The following SUGCT variants were observed in gnomAD, a reference collection of about 807,000 sequenced individuals.
SUGCT encodes succinyl-CoA:glutarate CoA-transferase.
SUGCT carries 41 observed loss-of-function variants against 55.0 expected under a neutral mutation model. The observed-to-expected ratio is 0.74, with a 90% CI of 0.58 to 0.97. The LOEUF (loss-of-function observed/expected upper bound fraction) is 0.97, where lower values mean the gene tolerates loss of function less well. Ranked by LOEUF, SUGCT falls within the 50% of genes least tolerant of loss-of-function variation. The pLI is 0.00. For synonymous variants in SUGCT, 187 were observed against 200.4 expected, an observed-to-expected ratio of 0.93 and a Z score of 0.56; for missense variants, 568 against 547.8, an observed-to-expected ratio of 1.04 and a Z score of -0.37.
chr7:40,821,025 G>A (rs1003890793), intron 13 of SUGCT, among the ~76,000 whole-genome samples: 5 of 152,180 alleles, frequency 3.3e-5, no homozygotes, highest in African/African-American at 1.2e-4. Context: ...AGATAATCAT[G>A]TGGTTTTTGT....
chr7:40,752,287 T>C (rs549248124), intron 13 of SUGCT, among the ~76,000 whole-genome samples: 17 of 152,310 alleles, frequency 1.1e-4, no homozygotes, highest in African/African-American at 4.1e-4. Context: ...CACAGTGCTA[T>C]GTAAGATGTT....
chr7:40,755,569 CT>C (rs1353561009), intron 13 of SUGCT, among the ~76,000 whole-genome samples: 1 of 152,184 alleles, frequency 6.6e-6, no homozygotes, highest in Non-Finnish European at 1.5e-5. Context: ...GGTCTTTGGC[CT>C]TTGAGCCAGA....
intron 9 of SUGCT, among the ~76,000 whole-genome samples, chr7:40,349,672 T>A (rs574549174): frequency 6.6e-6 from 1 of 151,882 alleles, no homozygotes; most frequent in Non-Finnish European, 1.5e-5. Flanking sequence ...AAGAAGTTCT[T>A]CTTATATGGT....
the SUGCT span, among the ~76,000 whole-genome samples, chr7:40,995,789 T>C: frequency 2.0e-5 from 3 of 152,188 alleles, no homozygotes; most frequent in African/African-American, 2.4e-5. Flanking sequence ...CAGAAAGGGC[T>C]GGCAGTTGCA....
At chr7:40,929,152 CTA>C in the SUGCT span, among the ~76,000 whole-genome samples, 1 of 152,060 alleles carries the variant, frequency 6.6e-6, no homozygotes, top group Admixed American at 6.5e-5. Flanking sequence ...CAATTCCCAC[CTA>C]TGAGTGAGAA....
chr7:40,143,885 G>A (rs1332908238), intron 1 of SUGCT, among the ~76,000 whole-genome samples: 1 of 152,222 alleles, frequency 6.6e-6, no homozygotes, highest in Non-Finnish European at 1.5e-5. Context: ...TAGAAAAGGG[G>A]AAGAAGTTTG....
chr7:40,723,270 G>T (rs1786443284), intron 12 of SUGCT, among the ~76,000 whole-genome samples: 1 of 152,072 alleles, frequency 6.6e-6, no homozygotes. Context: ...CTTTGAAACT[G>T]ACTTGACTTC....
At chr7:40,184,498 A>T (rs1286134372) in intron 3 of SUGCT, among the ~76,000 whole-genome samples, 5 of 142,628 alleles carry the variant, frequency 3.5e-5, no homozygotes, top group Admixed American at 2.1e-4. Context: ...GCCTTATTAA[A>T]TTTTTTTTTT....
intron 12 of SUGCT, among the ~76,000 whole-genome samples, chr7:40,692,515 T>C (rs1260402686): frequency 6.6e-6 from 1 of 152,166 alleles, no homozygotes; most frequent in Non-Finnish European, 1.5e-5. Context: ...TCGTACTGTG[T>C]ATTAAGAGAA....
intron 9 of SUGCT, among the ~76,000 whole-genome samples, chr7:40,444,909 G>A (rs1432112029): frequency 2.0e-5 from 3 of 152,042 alleles, no homozygotes; most frequent in South Asian, 2.1e-4. Flanking sequence ...CCAATACCTC[G>A]TTTATTGAGA....
chr7:40,970,656 G>A, the SUGCT span, among the ~76,000 whole-genome samples: 1 of 152,196 alleles, frequency 6.6e-6, no homozygotes. Context: ...GTGTTTTGAT[G>A]AACTTGAATA....
At chr7:40,575,540 A>G (rs1436287930) in intron 12 of SUGCT, among the ~76,000 whole-genome samples, 4 of 152,004 alleles carry the variant, frequency 2.6e-5, no homozygotes, top group Non-Finnish European at 5.9e-5. Context: ...CCCCCACCCC[A>G]CATCTTTTAA....
intron 9 of SUGCT, among the ~76,000 whole-genome samples, chr7:40,374,052 A>G (rs1364470317): frequency 6.6e-6 from 1 of 152,186 alleles, no homozygotes; most frequent in Non-Finnish European, 1.5e-5. Flanking sequence ...CAGTGAATCT[A>G]CTGAGTTACA....
chr7:40,186,248 T>G, intron 3 of SUGCT, among the ~76,000 whole-genome samples: 1 of 133,584 alleles, frequency 7.5e-6, no homozygotes, highest in East Asian at 2.7e-4. Context: ...TTCTCCCCTT[T>G]CCTCCTCTTC....
chr7:40,899,040 A>G, the SUGCT span, among the ~76,000 whole-genome samples: 3 of 152,022 alleles, frequency 2.0e-5, no homozygotes, highest in East Asian at 1.9e-4. Flanking sequence ...CTTCTTCCCC[A>G]ACTGTGGCCT....
intron 9 of SUGCT, among the ~76,000 whole-genome samples, chr7:40,323,279 G>A (rs1041867171): frequency 2.6e-5 from 4 of 152,106 alleles, no homozygotes; most frequent in African/African-American, 9.7e-5. Context: ...TTCACTTGGT[G>A]TTTCTCAAAG....
chr7:40,684,353 T>C (rs1476234568), intron 12 of SUGCT, among the ~76,000 whole-genome samples: 3 of 152,240 alleles, frequency 2.0e-5, no homozygotes, highest in African/African-American at 7.2e-5. Flanking sequence ...AAAGAGGCAT[T>C]CCATTTTACT....
intron 7 of SUGCT, among the ~76,000 whole-genome samples, chr7:40,238,073 A>C (rs1166311570): frequency 6.6e-6 from 1 of 152,202 alleles, no homozygotes; most frequent in African/African-American, 2.4e-5. Flanking sequence ...TGATTTAGGA[A>C]TATTCCCTCT....
At chr7:40,349,095 C>T (rs1032191848) in intron 9 of SUGCT, among the ~76,000 whole-genome samples, 2 of 152,090 alleles carry the variant, frequency 1.3e-5, no homozygotes, top group African/African-American at 4.8e-5. Context: ...TGAGTTCTCA[C>T]GTATATTGGC....
Sources: allele counts gnomAD v4.1 joint callset (sites outside exome capture counted in the v4.1 genomes callset), GRCh38; gene constraint gnomAD v4.1.1; transcripts MANE v1.5; gene names NCBI Gene and HGNC (gene_info 2026-07-23, HGNC 2026-07-21).